The following DPP10 variants were observed in gnomAD, a reference collection of about 807,000 sequenced individuals.
DPP10 encodes inactive dipeptidyl peptidase 10.
In DPP10, 33 loss-of-function variants were observed where a neutral mutation model predicts 120.9. The observed-to-expected ratio is 0.27, with a 90% CI of 0.21 to 0.37. The LOEUF is 0.37. DPP10 is among the 10% of genes least tolerant of loss of function. The pLI, the probability that DPP10 is intolerant of heterozygous loss-of-function variation, is 1.00. For missense variants in DPP10, 816 were observed against 942.8 expected (o/e 0.87, Z 1.76); for synonymous variants, 337 against 326.1 (o/e 1.03, Z -0.36).
chr2:115,079,372 C>CAAAAAAAAAGAAA (rs146113955), intron 1 of DPP10, among the ~76,000 whole-genome samples: 19 of 146,400 alleles, frequency 1.3e-4, no homozygotes, highest in Non-Finnish European at 1.8e-4. Context: ...TCTCAAAAAA[C>CAAAAAAAAAGAAA]AAAAAAAAAG....
intron 1 of DPP10, among the ~76,000 whole-genome samples, chr2:114,636,120 C>A (rs1405532828): frequency 3.3e-5 from 5 of 151,876 alleles, no homozygotes; most frequent in African/African-American, 1.2e-4. Context: ...ATTAGTCATT[C>A]TTTCAATAAA....
intron 5 of DPP10, among the ~76,000 whole-genome samples, chr2:115,675,107 T>TA: frequency 6.6e-6 from 1 of 152,272 alleles, no homozygotes; most frequent in Middle Eastern, 3.4e-3. Context: ...TCTTTTAAAA[T>TA]AAAAACATTG....
intron 3 of DPP10, among the ~76,000 whole-genome samples, chr2:115,431,837 T>C (rs1373978464): frequency 1.3e-5 from 2 of 152,154 alleles, no homozygotes; most frequent in Non-Finnish European, 2.9e-5. Context: ...TGCATCTGCC[T>C]AAATAGTCAT....
chr2:115,396,769 T>A (rs1250289417), intron 3 of DPP10, among the ~76,000 whole-genome samples: 1 of 152,012 alleles, frequency 6.6e-6, no homozygotes, highest in Non-Finnish European at 1.5e-5. Flanking sequence ...TCCACAGAGG[T>A]CAGAGCCGTA....
chr2:115,516,487 C>T (rs2077509402), intron 4 of DPP10, among the ~76,000 whole-genome samples: 1 of 151,494 alleles, frequency 6.6e-6, no homozygotes, highest in South Asian at 2.1e-4. Context: ...ATTAGGAGTC[C>T]CGAACAGGAG....
rs977603138 is a variant in DPP10 at position 115,844,372 on chromosome 2, T to A, written c.*2027T>A. On this transcript the variant is annotated 3_prime_UTR_variant, in exon 26 of 26. Coordinates refer to ENST00000410059, the MANE Select transcript of DPP10 (RefSeq NM_020868.6). ...TGCCTTTTACTGTCATCATTTCTCT[T>A]GTTTTATTATTATTATCAATGTTTA... 6.6e-6 allele frequency: 1 copy of A among 151,758 alleles called. No individual in the cohort carries two copies. Among genetic ancestry groups the A allele is most frequent in the Non-Finnish European group, 1.5e-5 (1 of 67,986 alleles). The allele number at this position is 151,758 out of a possible 1,614,324, so 9.4% of individuals were successfully genotyped here.
At chr2:114,753,985 T>C (rs1012716795) in intron 1 of DPP10, among the ~76,000 whole-genome samples, 2 of 150,086 alleles carry the variant, frequency 1.3e-5, no homozygotes, top group Non-Finnish European at 3.0e-5. Flanking sequence ...TTTGAAACTA[T>C]GAAGAGAAAA....
At chr2:115,105,127 T>C (rs951919108) in intron 1 of DPP10, among the ~76,000 whole-genome samples, 3 of 152,230 alleles carry the variant, frequency 2.0e-5, no homozygotes, top group South Asian at 4.1e-4. Context: ...ACTTTACCGT[T>C]TGTCTTTAGC....
chr2:115,736,095 G>T (rs969301932), intron 8 of DPP10, among the ~76,000 whole-genome samples: 1 of 152,062 alleles, frequency 6.6e-6, no homozygotes, highest in Non-Finnish European at 1.5e-5. Context: ...CAGAGGAATA[G>T]AATTATGACT....
chr2:114,934,897 A>G (rs1696343000), intron 1 of DPP10, among the ~76,000 whole-genome samples: 1 of 152,136 alleles, frequency 6.6e-6, no homozygotes, highest in Non-Finnish European at 1.5e-5. Context: ...ATAAAATAAT[A>G]TTTAAATGTG....
chr2:114,650,523 T>C (rs541938788), intron 1 of DPP10, among the ~76,000 whole-genome samples: 107 of 152,316 alleles, frequency 7.0e-4, no homozygotes, highest in Non-Finnish European at 1.3e-3. Flanking sequence ...CAATACTGCA[T>C]TACTGTGGCT....
At chr2:115,602,443 A>G (rs2083388637) in intron 5 of DPP10, among the ~76,000 whole-genome samples, 1 of 152,198 alleles carries the variant, frequency 6.6e-6, no homozygotes, top group African/African-American at 2.4e-5. Context: ...TTTTCTATTT[A>G]TCGTTACTTC....
intron 1 of DPP10, among the ~76,000 whole-genome samples, chr2:115,111,514 G>C (rs1328576634): frequency 2.0e-5 from 3 of 152,144 alleles, no homozygotes; most frequent in African/African-American, 7.2e-5. Context: ...ATGCCCCTTT[G>C]TCATTGTTCC....
At chr2:115,279,320 A>G (rs975829314) in intron 1 of DPP10, among the ~76,000 whole-genome samples, 1 of 152,150 alleles carries the variant, frequency 6.6e-6, no homozygotes, top group Non-Finnish European at 1.5e-5. Context: ...ACAACATTTT[A>G]CTATGTGGAA....
intron 1 of DPP10, among the ~76,000 whole-genome samples, chr2:115,137,191 C>T (rs1363520143): frequency 6.6e-6 from 1 of 152,140 alleles, no homozygotes; most frequent in African/African-American, 2.4e-5. Flanking sequence ...GGAAGAGCAT[C>T]TATTTGGGGT....
chr2:115,672,191 C>T (rs2089926951), intron 5 of DPP10, among the ~76,000 whole-genome samples: 1 of 151,938 alleles, frequency 6.6e-6, no homozygotes, highest in African/African-American at 2.4e-5. Flanking sequence ...CATTATAGAC[C>T]TTGGTGTGCT....
At chr2:114,975,178 T>C (rs556221006) in intron 1 of DPP10, among the ~76,000 whole-genome samples, 16 of 152,066 alleles carry the variant, frequency 1.1e-4, no homozygotes, top group African/African-American at 3.9e-4. Context: ...CCCAAGTAGC[T>C]GGGGCGACAG....
chr2:114,658,909 G>A (rs72826503), intron 1 of DPP10, among the ~76,000 whole-genome samples: 18,742 of 152,136 alleles, frequency 0.12, 1,554 homozygotes, highest in Middle Eastern at 0.19. Context: ...CCCACATGTC[G>A]AGGGTGAAAC....
intron 3 of DPP10, among the ~76,000 whole-genome samples, chr2:115,481,590 C>T (rs1435598148): frequency 6.6e-6 from 1 of 151,956 alleles, no homozygotes; most frequent in Non-Finnish European, 1.5e-5. Context: ...AAGATGACCT[C>T]CTTGGTTCCG....
Sources: gnomAD v4.1 joint callset for allele counts (sites outside exome capture counted in the v4.1 genomes callset) on GRCh38, gnomAD v4.1.1 for gene constraint, MANE v1.5 for transcripts, NCBI Gene and HGNC (gene_info 2026-07-23, HGNC 2026-07-21) for gene names.